The following PLPPR2 variants were observed in gnomAD, a reference collection of about 807,000 sequenced individuals.
PLPPR2 encodes phospholipid phosphatase-related protein type 2.
PLPPR2 carries 11 observed loss-of-function variants against 40.3 expected under a neutral mutation model. The observed-to-expected ratio is 0.27, with a 90% confidence interval of 0.17 to 0.45. PLPPR2 has a LOEUF of 0.45. Ranked by LOEUF, PLPPR2 falls within the 20% of genes least tolerant of loss-of-function variation. The pLI, the probability that PLPPR2 is intolerant of heterozygous loss-of-function variation, is 1.00. For missense variants in PLPPR2, 497 were observed against 640.7 expected, an observed-to-expected ratio of 0.78 and a Z score of 2.42; for synonymous variants, 260 against 290.8, an observed-to-expected ratio of 0.89 and a Z score of 1.08.
intron 3 of PLPPR2, among the ~76,000 whole-genome samples, chr19:11,358,430 G>A (rs1291778469): frequency 6.6e-6 from 1 of 152,052 alleles, no homozygotes; most frequent in Non-Finnish European, 1.5e-5. Flanking sequence ...CCACAGTGAG[G>A]GTTACACCTG....
Position 11,356,370 on chromosome 19 carries a change from C to T in PLPPR2, c.-189-432C>T, listed in dbSNP as rs925196678. On this transcript the variant is annotated intron_variant, in intron 1 of 9. Coordinates refer to ENST00000688289, the MANE Select transcript of PLPPR2 (RefSeq NM_001393892.1). Reference sequence around the variant, plus strand: ...GTGTTGCAGGCCTGACTGTGTGTCCCTGACTGTAGCGGTGTGGGGGCTTGT... The same window carrying T: ...GTGTTGCAGGCCTGACTGTGTGTCCTTGACTGTAGCGGTGTGGGGGCTTGT... Among the ~76,000 whole-genome samples, 6 of 143,238 alleles carry T rather than the reference C, an allele frequency of 4.2e-5. No homozygotes were observed. The East Asian group carries it at 1.3e-3, about 30-fold the overall frequency. 94.0% of individuals were successfully genotyped at this position (143,238 alleles called of 152,430 possible).
In PLPPR2 at chr19:11,362,908, A is replaced by G. The variant is rs1968090696; in HGVS notation, c.840+219A>G. On this transcript the variant is annotated intron_variant, in intron 7 of 9. Coordinates refer to ENST00000688289, the MANE Select transcript of PLPPR2 (RefSeq NM_001393892.1). This position sits in a 1 kb window ranked among gnomAD's most constrained non-coding sequence, Gnocchi z 5.3. ...AATTTTAAGAGGGTGCCCAACACTC[A>G]GTAATCAAGATTAATATTTTAACAA... 6.6e-6 allele frequency among the ~76,000 whole-genome samples: 1 copy of G among 152,272 alleles called. No individual in the cohort carries two copies. Among genetic ancestry groups the G allele is most frequent in the Non-Finnish European group, 1.5e-5 (1 of 68,048 alleles).
Position 11,364,784 on chromosome 19 carries a change from C to T in PLPPR2, c.*94C>T, listed in dbSNP as rs1481336897. Reference sequence around the variant, plus strand: ...CCACGTGAGTGCCAAAGTCCCCTGCCCCCCAAGCCAGCCAGACCCAGACAT... The same window carrying T: ...CCACGTGAGTGCCAAAGTCCCCTGCTCCCCAAGCCAGCCAGACCCAGACAT... On this transcript the variant is annotated 3_prime_UTR_variant, in exon 10 of 10. Transcript: ENST00000688289. The surrounding 1 kb of genome is among the most constrained non-coding windows in gnomAD (Gnocchi z 5.8). 2.1e-6 allele frequency: 3 copies of T among 1,407,132 alleles called. No homozygotes were observed. The highest frequency in any genetic ancestry group is 2.9e-6 in the Non-Finnish European group (3 of 1,038,110). 87.2% of individuals were successfully genotyped at this position (1,407,132 alleles called of 1,614,324 possible).
chr19:11,363,671 A>C lies in PLPPR2; in HGVS notation c.841-42A>C. The C allele has an allele frequency of 6.4e-7, 1 of 1,569,738 alleles. No individual in the cohort carries two copies. The highest frequency in any genetic ancestry group is 1.1e-5 in the South Asian group (1 of 87,772). On this transcript the variant is annotated intron_variant, in intron 7 of 9. Transcript: ENST00000688289. This position sits in a 1 kb window ranked among gnomAD's most constrained non-coding sequence, Gnocchi z 4.8. ...ATGGTATTTACATGGCTCCTATGTG[A>C]CTTGCCCCAGGCCTCAACACTCTCC...
At chr19:11,360,350 C>A (rs1055173226) in intron 5 of PLPPR2, among the ~76,000 whole-genome samples, 1 of 151,540 alleles carries the variant, frequency 6.6e-6, no homozygotes, top group Admixed American at 6.6e-5. Flanking sequence ...TGCCTGTAGC[C>A]CCAGCTACTT....
Position 11,365,099 on chromosome 19 carries a change from T to G in PLPPR2, c.*409T>G. On this transcript the variant is annotated 3_prime_UTR_variant, in exon 10 of 10. Transcript: ENST00000688289. ...CGACTGAACAGCCAATAGGAGCCCTTGGTTTCCAGAATTTCTAGAGTGGGT... is the reference window on the plus strand; with the variant it reads ...CGACTGAACAGCCAATAGGAGCCCTGGGTTTCCAGAATTTCTAGAGTGGGT... 2 of 218,286 alleles carry G rather than the reference T, an allele frequency of 9.2e-6. No homozygotes were observed. The highest frequency in any genetic ancestry group is 1.8e-5 in the Non-Finnish European group (2 of 110,240). 13.5% of individuals were successfully genotyped at this position (218,286 alleles called of 1,614,324 possible).
chr19:11,359,453 C>A lies in PLPPR2; in HGVS notation c.67-79C>A. ...CCCATGTTTCTCCATCTCTGTATCT[C>A]TGCCTCTGTGGCCTCAGCTGGAGTC... On this transcript the variant is annotated intron_variant, in intron 3 of 9. Coordinates refer to ENST00000688289, the MANE Select transcript of PLPPR2 (RefSeq NM_001393892.1). This position sits in a 1 kb window ranked among gnomAD's most constrained non-coding sequence, Gnocchi z 5.6. 1 of 1,344,458 alleles carries A rather than the reference C, an allele frequency of 7.4e-7. No homozygotes were observed. Among genetic ancestry groups the A allele is most frequent in the Non-Finnish European group, 1.0e-6 (1 of 1,003,260 alleles). The allele number at this position is 1,344,458 out of a possible 1,614,324, so 83.3% of individuals were successfully genotyped here. A position where few individuals can be genotyped will look rare whatever the true frequency, so the allele number is the denominator to read the frequency against.
At position 11,361,084 on chromosome 19, in the gene PLPPR2, G is replaced by A; in HGVS notation, c.392-133G>A. 7 of 1,161,730 alleles carry A rather than the reference G, an allele frequency of 6.0e-6. No homozygotes were observed. The highest frequency in any genetic ancestry group is 1.6e-5 in the South Asian group (1 of 62,534). 72.0% of individuals were successfully genotyped at this position (1,161,730 alleles called of 1,614,324 possible). On this transcript the variant is annotated intron_variant, in intron 5 of 9. Coordinates refer to ENST00000688289, the MANE Select transcript of PLPPR2 (RefSeq NM_001393892.1). The surrounding 1 kb of genome is among the most constrained non-coding windows in gnomAD (Gnocchi z 6.3). ...TTCATGGTGGTCTTAAAGGAAGGGG[G>A]ATGTTGGCACAACTACAGGGTCCCA...
rs1968109727 is a variant in PLPPR2, at chr19:11,363,589, T to C, written c.841-124T>C. The C allele has an allele frequency of 4.4e-6, 5 of 1,124,444 alleles. No homozygotes were observed. Among genetic ancestry groups the C allele is most frequent in the Non-Finnish European group, 6.1e-6 (5 of 819,532 alleles). The allele number at this position is 1,124,444 out of a possible 1,614,324, so 69.7% of individuals were successfully genotyped here. A position where few individuals can be genotyped will look rare whatever the true frequency, so the allele number is the denominator to read the frequency against. On this transcript the variant is annotated intron_variant, in intron 7 of 9. Transcript: ENST00000688289. This position sits in a 1 kb window ranked among gnomAD's most constrained non-coding sequence, Gnocchi z 4.8. The stretch of plus-strand genomic sequence containing the variant: ...GGAACCAACAGTGCCTGGCACATAC[T>C]ATGCATTAGCTGTTTTTGAAAACCG...
chr19:11,359,384 C>G lies in PLPPR2; in HGVS notation c.67-148C>G. 1 of 651,666 alleles carries G rather than the reference C, an allele frequency of 1.5e-6. No homozygotes were observed. Among genetic ancestry groups the G allele is most frequent in the South Asian group, 2.9e-5 (1 of 34,818 alleles). The allele number at this position is 651,666 out of a possible 1,614,324, so 40.4% of individuals were successfully genotyped here. A position where few individuals can be genotyped will look rare whatever the true frequency, so the allele number is the denominator to read the frequency against. On this transcript the variant is annotated intron_variant, in intron 3 of 9. Coordinates refer to ENST00000688289, the MANE Select transcript of PLPPR2 (RefSeq NM_001393892.1). The surrounding 1 kb of genome is among the most constrained non-coding windows in gnomAD (Gnocchi z 5.6). ...TTCCCCATTTCTCTCAGTCTCTCTC[C>G]CCCTTGTCTCTGTCTCTCTCCATCT... is the stretch of plus-strand genomic sequence containing the variant.
In PLPPR2 at chr19:11,363,555, C is replaced by T. The variant is rs1458821282; in HGVS notation, c.841-158C>T. ...GGATAAATAATAATTGCACCTACCT[C>T]AGTAAAATGGAACCAACAGTGCCTG... On this transcript the variant is annotated intron_variant, in intron 7 of 9. Coordinates refer to ENST00000688289, the MANE Select transcript of PLPPR2 (RefSeq NM_001393892.1). The surrounding 1 kb of genome is among the most constrained non-coding windows in gnomAD (Gnocchi z 4.8). 6.6e-6 allele frequency among the ~76,000 whole-genome samples: 1 copy of T among 152,216 alleles called. No homozygotes were observed.
At position 11,359,228 on chromosome 19, in the gene PLPPR2, C is replaced by A. The variant is rs1967977083; in HGVS notation, c.67-304C>A. 6.6e-6 allele frequency among the ~76,000 whole-genome samples: 1 copy of A among 152,058 alleles called. No individual in the cohort carries two copies. ...GGTCATGCGATCTCAAACTCCTGAG[C>A]TCAAGGGATCCTCTTGCCTATGCCT... On this transcript the variant is annotated intron_variant, in intron 3 of 9. Coordinates refer to ENST00000688289, the MANE Select transcript of PLPPR2 (RefSeq NM_001393892.1). The surrounding 1 kb of genome is among the most constrained non-coding windows in gnomAD (Gnocchi z 5.6).
Position 11,361,210 on chromosome 19 carries a change from C to A in PLPPR2, c.392-7C>A, listed in dbSNP as rs747640457. ...CGCATGAACCCCTTCCACTATCCCA[C>A]CCCTAGGGGTCTACTCCTTCGGCCT... On this transcript the variant is annotated splice_region_variant and splice_polypyrimidine_tract_variant and intron_variant, in intron 5 of 9. Coordinates refer to ENST00000688289, the MANE Select transcript of PLPPR2 (RefSeq NM_001393892.1). The surrounding 1 kb of genome is among the most constrained non-coding windows in gnomAD (Gnocchi z 6.3). 4.4e-6 allele frequency: 7 copies of A among 1,602,288 alleles called. No individual in the cohort carries two copies. The highest frequency in any genetic ancestry group is 5.1e-6 in the Non-Finnish European group (6 of 1,176,576).
chr19:11,359,705 C>T lies in PLPPR2; in HGVS notation c.240C>T (p.Ala80=), dbSNP rs371111000. Residue 80 remains alanine (A), a synonymous_variant, in exon 4 of 10, where the codon GCC becomes GCT. Transcript: ENST00000688289. The surrounding 1 kb of genome is among the most constrained non-coding windows in gnomAD (Gnocchi z 5.6). The stretch of plus-strand genomic sequence containing the variant: ...CTCTTGTCTACGCACTGGTCACTGC[C>T]GGGCCCACCCTCACGGTGAGACAAT... ...PPALVYALVT[A]GPTLTILLGE... 6.0e-5 allele frequency: 95 copies of T among 1,595,350 alleles called. 2 individuals are homozygous for T. In the South Asian group the frequency reaches 7.0e-4, roughly 12 times the overall value.
In PLPPR2 at chr19:11,359,568, C is replaced by A; in HGVS notation, c.103C>A (p.Arg35Ser). Residue 35 changes from arginine (R) to serine (S), a missense_variant, in exon 4 of 10, where the codon CGC (arginine) becomes AGC (serine). By Grantham distance (110) the Arg-to-Ser change is moderately radical. Coordinates refer to ENST00000688289, the MANE Select transcript of PLPPR2 (RefSeq NM_001393892.1). The surrounding 1 kb of genome is among the most constrained non-coding windows in gnomAD (Gnocchi z 5.6). Reference protein sequence around the residue: ...LLGIVILLAYRLEFTDTFPVH... With the variant: ...LLGIVILLAYSLEFTDTFPVH... ...GGGCATTGTGATCCTGCTTGCTTAC[C>A]GCCTGGAGTTCACGGACACCTTCCC... 6.3e-7 allele frequency: 1 copy of A among 1,590,446 alleles called. No homozygotes were observed. The highest frequency in any genetic ancestry group is 1.1e-5 in the South Asian group (1 of 87,408).
rs1474685876 is a variant in PLPPR2, at chr19:11,359,735, A to G, written c.255+15A>G. ...CCACCCTCACGGTGAGACAATGAAG[A>G]CCTCCTAGGAGGCAGGTGGGCCGGT... On this transcript the variant is annotated intron_variant, in intron 4 of 9. Coordinates refer to ENST00000688289, the MANE Select transcript of PLPPR2 (RefSeq NM_001393892.1). This position sits in a 1 kb window ranked among gnomAD's most constrained non-coding sequence, Gnocchi z 5.6. 6.3e-7 allele frequency: 1 copy of G among 1,577,852 alleles called. No homozygotes were observed.
chr19:11,358,410 G>A (rs1446665498), intron 3 of PLPPR2, among the ~76,000 whole-genome samples: 5 of 152,048 alleles, frequency 3.3e-5, no homozygotes, highest in Admixed American at 6.6e-5. Context: ...AGCTTGGTAC[G>A]ACCCCCTGCC....
Position 11,361,499 on chromosome 19 carries a change from G to T in PLPPR2, c.663+11G>T, listed in dbSNP as rs561009826. The T allele has an allele frequency of 4.1e-5, 65 of 1,584,688 alleles. 1 individual carries two copies. The South Asian group carries it at 6.3e-4, about 15-fold the overall frequency. On this transcript the variant is annotated intron_variant, in intron 6 of 9. Transcript: ENST00000688289. The surrounding 1 kb of genome is among the most constrained non-coding windows in gnomAD (Gnocchi z 6.3). The stretch of plus-strand genomic sequence containing the variant: ...GTCACCTACACAGCGGTGAGCTTCG[G>T]GAGCTTCGGGGTCGGAAATGGGTGT...
chr19:11,358,145 C>T (rs902066450), intron 3 of PLPPR2, among the ~76,000 whole-genome samples: 1 of 152,084 alleles, frequency 6.6e-6, no homozygotes, highest in Non-Finnish European at 1.5e-5. Flanking sequence ...ACCTCCACCT[C>T]CTGGGCTCAA....
Sources: gnomAD v4.1 joint callset for allele counts (sites outside exome capture counted in the v4.1 genomes callset) on GRCh38, gnomAD v4.1.1 for gene constraint, Gnocchi (gnomAD v3.1) non-coding constraint, MANE v1.5 for transcripts, NCBI Gene and HGNC (gene_info 2026-07-23, HGNC 2026-07-21) for gene names.